The following DCUN1D1 variants were observed in gnomAD, a reference collection of about 807,000 sequenced individuals.
DCUN1D1 encodes the protein DCN1-like protein 1.
DCUN1D1 carries 3 observed loss-of-function variants against 39.0 expected under a neutral mutation model. That is an observed-to-expected ratio of 0.08 (90% CI 0.04 to 0.20). DCUN1D1 has a LOEUF of 0.20. Ranked by LOEUF, DCUN1D1 falls within the 10% of genes least tolerant of loss-of-function variation. DCUN1D1 has a pLI of 1.00. For missense variants in DCUN1D1, 158 were observed against 302.4 expected (o/e 0.52, Z 3.54); for synonymous variants, 82 against 96.3 (o/e 0.85, Z 0.87).
intron 1 of DCUN1D1, among the ~76,000 whole-genome samples, chr3:182,970,465 C>CA (rs1727877203): frequency 6.6e-6 from 1 of 151,948 alleles, no homozygotes; most frequent in South Asian, 2.1e-4. Flanking sequence ...TTTTTAACAG[C>CA]AAAAAAATAA....
intron 4 of DCUN1D1, among the ~76,000 whole-genome samples, chr3:182,957,254 A>T (rs941172288): frequency 6.6e-6 from 1 of 152,234 alleles, no homozygotes; most frequent in African/African-American, 2.4e-5. Context: ...AGCATCAGGT[A>T]AGGATGCTAC....
At chr3:182,967,708 C>T (rs1560176871) in intron 1 of DCUN1D1, among the ~76,000 whole-genome samples, 1 of 152,180 alleles carries the variant, frequency 6.6e-6, no homozygotes, top group African/African-American at 2.4e-5. Flanking sequence ...AAACACATCC[C>T]TCAAGTGTCT....
chr3:182,955,565 A>G (rs1207963206), intron 4 of DCUN1D1: 3 of 516,442 alleles, frequency 5.8e-6, no homozygotes, highest in Non-Finnish European at 1.2e-5. Flanking sequence ...ACTTCTTTAC[A>G]GCGCTGACAT....
At chr3:182,983,887 A>G (rs1728643031), upstream of DCUN1D1, among the ~76,000 whole-genome samples, 1 of 152,078 alleles carries the variant, frequency 6.6e-6, no homozygotes, top group Non-Finnish European at 1.5e-5. Context: ...TGATCCTTGG[A>G]TTCCAGCAGT....
intron 1 of DCUN1D1, among the ~76,000 whole-genome samples, chr3:182,969,354 T>G (rs1252756208): frequency 6.6e-6 from 1 of 152,180 alleles, no homozygotes; most frequent in East Asian, 1.9e-4. Flanking sequence ...ATTTAAATTT[T>G]TATCAACACA....
chr3:182,948,031 T>A (rs527577123), intron 4 of DCUN1D1, among the ~76,000 whole-genome samples: 1 of 152,286 alleles, frequency 6.6e-6, no homozygotes, highest in East Asian at 1.9e-4. Context: ...CTGTAGGAAA[T>A]TTAGCAATAT....
intron 4 of DCUN1D1, among the ~76,000 whole-genome samples, chr3:182,950,472 T>C (rs534795768): frequency 6.6e-6 from 1 of 152,056 alleles, no homozygotes; most frequent in Non-Finnish European, 1.5e-5. Context: ...TTTAAAAATC[T>C]TTCTTGGATC....
At position 182,943,757 on chromosome 3, in the gene DCUN1D1, A is replaced by C. The variant is rs529601172; in HGVS notation, c.*1337T>G. The C allele has an allele frequency of 1.3e-5, 2 of 152,744 alleles. No individual in the cohort carries two copies. Among genetic ancestry groups the C allele is most frequent in the African/African-American group, 4.8e-5 (2 of 41,584 alleles). 9.5% of individuals were successfully genotyped at this position (152,744 alleles called of 1,614,324 possible). A position where few individuals can be genotyped will look rare whatever the true frequency, so the allele number is the denominator to read the frequency against. ...TTCACATGTCAGTAAGTGAACAGGG[A>C]AATGACCATTTTCAGCATAAAAGCA... On this transcript the variant is annotated 3_prime_UTR_variant, in exon 7 of 7. Transcript: ENST00000292782.
chr3:182,960,347 G>A (rs1042897934), intron 4 of DCUN1D1, among the ~76,000 whole-genome samples: 16 of 151,946 alleles, frequency 1.1e-4, no homozygotes, highest in African/African-American at 3.6e-4. Context: ...CAGCTTTCTT[G>A]TGTCTCACCA....
chr3:182,982,212 ACC>A (rs1415374995), upstream of DCUN1D1, among the ~76,000 whole-genome samples: 3 of 151,906 alleles, frequency 2.0e-5, no homozygotes, highest in Non-Finnish European at 4.4e-5. Flanking sequence ...CCATGACTCC[ACC>A]TTCTCCTGCA....
At chr3:182,978,218 C>T (rs1417748359) in intron 1 of DCUN1D1, among the ~76,000 whole-genome samples, 4 of 149,306 alleles carry the variant, frequency 2.7e-5, no homozygotes, top group Non-Finnish European at 4.5e-5. Flanking sequence ...CTGACAATAA[C>T]ATGTGCTCTG....
In DCUN1D1 at chr3:182,948,910, T is replaced by C. The variant is rs554870055; in HGVS notation, c.521-1278A>G. Among the ~76,000 whole-genome samples, 103 of 151,398 alleles carry C rather than the reference T, an allele frequency of 6.8e-4. 1 individual carries two copies. The highest frequency in any genetic ancestry group is 4.1e-3 in the Admixed American group (63 of 15,198). ...TAAAAACACAAAAATTAGCTGGGCA[T>C]AGTGGCGGGCACCTGTAATCCCAGC... On this transcript the variant is annotated intron_variant, in intron 4 of 6. Transcript: ENST00000292782.
intron 1 of DCUN1D1, among the ~76,000 whole-genome samples, chr3:182,978,363 G>A (rs1056209833): frequency 3.3e-5 from 5 of 151,844 alleles, no homozygotes; most frequent in African/African-American, 1.2e-4. Flanking sequence ...TTCGATTAGG[G>A]CCAGTGGTGA....
intron 1 of DCUN1D1, among the ~76,000 whole-genome samples, chr3:182,979,603 C>G (rs200127241): frequency 1.0e-5 from 1 of 95,842 alleles, no homozygotes; most frequent in African/African-American, 3.1e-5. Flanking sequence ...GACTTTTTCC[C>G]CCCCCCAAAC....
chr3:182,980,330 G>A (rs953965435), intron 1 of DCUN1D1, among the ~76,000 whole-genome samples, 157 bp downstream of exon 1: 1 of 151,626 alleles, frequency 6.6e-6, no homozygotes, highest in Admixed American at 6.6e-5. Context: ...GGAAGGGAGA[G>A]GCAGGCAGGA....
intron 1 of DCUN1D1, among the ~76,000 whole-genome samples, chr3:182,975,141 T>C (rs1456049217): frequency 6.6e-6 from 1 of 152,056 alleles, no homozygotes; most frequent in African/African-American, 2.4e-5. Context: ...AATGACCTGT[T>C]CTTTTAAAAC....
At chr3:182,949,496 G>C in intron 4 of DCUN1D1, among the ~76,000 whole-genome samples, 1 of 152,078 alleles carries the variant, frequency 6.6e-6, no homozygotes. Context: ...GAGGCGAGAA[G>C]ACTGCTTGAG....
At chr3:182,973,397 C>A (rs992781173) in intron 1 of DCUN1D1, among the ~76,000 whole-genome samples, 1 of 152,166 alleles carries the variant, frequency 6.6e-6, no homozygotes, top group African/African-American at 2.4e-5. Flanking sequence ...TAACTGAAAT[C>A]GAGCAAAGTG....
upstream of DCUN1D1, among the ~76,000 whole-genome samples, chr3:182,982,165 G>A (rs982892021): frequency 6.6e-6 from 1 of 152,126 alleles, no homozygotes; most frequent in Non-Finnish European, 1.5e-5. Context: ...TCTCGCCTGC[G>A]TTTGGACACT....
Sources: gnomAD v4.1 joint callset for allele counts (sites outside exome capture counted in the v4.1 genomes callset) on GRCh38, gnomAD v4.1.1 for gene constraint, MANE v1.5 for transcripts, NCBI Gene and HGNC (gene_info 2026-07-23, HGNC 2026-07-21) for gene names.